The following PABPC1 variants were observed in gnomAD, a reference collection of about 807,000 sequenced individuals.
PABPC1 encodes poly(A) binding protein cytoplasmic 1, also known as polyadenylate-binding protein 1.
A neutral mutation model predicts 74.0 loss-of-function variants in PABPC1; 4 were observed. That is an observed-to-expected ratio of 0.05 (90% CI 0.03 to 0.12). PABPC1 has a LOEUF of 0.12. Ranked by LOEUF, PABPC1 falls within the 10% of genes least tolerant of loss-of-function variation. The probability of loss-of-function intolerance (pLI) is 1.00; values close to 1 mark genes in which losing one functional copy is unlikely to be tolerated. For synonymous variants in PABPC1, 227 were observed against 264.1 expected, an observed-to-expected ratio of 0.86 and a Z score of 1.36; for missense variants, 271 against 821.1, an observed-to-expected ratio of 0.33 and a Z score of 8.19.
chr8:100,715,728 A>C, intron 3 of PABPC1, 127 bp from the exon 4 acceptor site: 1 of 586,106 alleles, frequency 1.7e-6, no homozygotes. Flanking sequence ...AGCACACTAC[A>C]AAATAGAAAT....
chr8:100,709,168 C>T lies in PABPC1; in HGVS notation c.1301G>A (p.Ser434Asn). 6.2e-7 allele frequency: 1 copy of T among 1,614,028 alleles called. No individual in the cohort carries two copies. Among genetic ancestry groups the T allele is most frequent in the Non-Finnish European group, 8.5e-7 (1 of 1,180,028 alleles). The change falls in exon 9 of 15, where the codon AGT (serine) becomes AAT (asparagine). Residue 434 changes from serine (S) to asparagine (N), a missense_variant. By Grantham distance (46) the Ser-to-Asn change is conservative. Around this residue, in one of 7 missense-constraint regions of PABPC1, gnomAD observed 103 missense variants for 245.3 expected, o/e 0.42. Coordinates refer to ENST00000318607, the MANE Select transcript of PABPC1 (RefSeq NM_002568.4). The stretch of plus-strand genomic sequence containing the variant: ...GGCACCCTGAGCAGTCCAGCGAGGA[C>T]TTGGTCTTAGTTGAGCAATTTGGCT... Reference protein sequence around the residue: ...PPSQIAQLRPSPRWTAQGARP... With the variant: ...PPSQIAQLRPNPRWTAQGARP...
At chr8:100,717,469 GCTA>G (rs1810701313) in intron 3 of PABPC1, among the ~76,000 whole-genome samples, 1 of 152,120 alleles carries the variant, frequency 6.6e-6, no homozygotes, top group African/African-American at 2.4e-5. Flanking sequence ...TTTTGAAAAA[GCTA>G]CATTTTTCTG....
chr8:100,707,079 G>A (rs1430127712), intron 9 of PABPC1, 82 bp from the exon 10 acceptor site: 1 of 1,035,572 alleles, frequency 9.7e-7, no homozygotes, highest in South Asian at 1.4e-5. Context: ...TTCGATCTGA[G>A]GTTTGCATAA....
At chr8:100,711,243 G>A (rs1327024273) in intron 7 of PABPC1, among the ~76,000 whole-genome samples, 1 of 151,852 alleles carries the variant, frequency 6.6e-6, no homozygotes, top group Non-Finnish European at 1.5e-5. Flanking sequence ...TTGCACCACC[G>A]CACTCCAGCC....
chr8:100,711,802 C>G (rs1278533737), intron 7 of PABPC1, among the ~76,000 whole-genome samples: 1 of 152,218 alleles, frequency 6.6e-6, no homozygotes, highest in East Asian at 1.9e-4. Context: ...TCTATGCACT[C>G]TTCCCCAACC....
At chr8:100,714,954 G>T (rs566666237) in intron 4 of PABPC1, among the ~76,000 whole-genome samples, 1 of 152,116 alleles carries the variant, frequency 6.6e-6, no homozygotes, top group African/African-American at 2.4e-5. Context: ...TAAGTACTTT[G>T]AATCACTGGA....
intron 7 of PABPC1, among the ~76,000 whole-genome samples, chr8:100,710,096 A>G (rs1219574802): frequency 1.3e-5 from 2 of 152,208 alleles, no homozygotes; most frequent in Non-Finnish European, 2.9e-5. Flanking sequence ...GCATTTCCCA[A>G]TTAAATTTTG....
intron 12 of PABPC1, 42 bp from the exon 13 acceptor site, chr8:100,705,098 A>C: frequency 1.3e-6 from 2 of 1,577,796 alleles, no homozygotes; most frequent in Non-Finnish European, 1.7e-6. Flanking sequence ...AATAAAAAAA[A>C]GTTTTTAACT....
rs943676714 is a variant in PABPC1, at chr8:100,721,103, T to A, written c.193+288A>T. Among the ~76,000 whole-genome samples, 2 of 152,064 alleles carry A rather than the reference T, an allele frequency of 1.3e-5. No homozygotes were observed. Among genetic ancestry groups the A allele is most frequent in the Non-Finnish European group, 2.9e-5 (2 of 67,988 alleles). ...GCGGGAGCGCCGCGGAGGAACCGAA[T>A]CTCACCCACCCTCCCGGCGCGTCAT... On this transcript the variant is annotated intron_variant, in intron 1 of 14. Coordinates refer to ENST00000318607, the MANE Select transcript of PABPC1 (RefSeq NM_002568.4). This position sits in a 1 kb window ranked among gnomAD's most constrained non-coding sequence, Gnocchi z 7.4.
At chr8:100,712,258 CA>C (rs1334796703) in intron 7 of PABPC1, 103 bp downstream of exon 7, 1 of 650,212 alleles carries the variant, frequency 1.5e-6, no homozygotes, top group East Asian at 2.7e-5. Context: ...AGTAACGAAG[CA>C]AACACCTCTC....
rs765239752 is a variant in PABPC1 at position 100,712,317 on chromosome 8, G to A, written c.972+45C>T. 34 of 1,142,350 alleles carry A rather than the reference G, an allele frequency of 3.0e-5. 2 individuals are homozygous for A. The South Asian group carries it at 4.7e-4, about 16-fold the overall frequency. 70.8% of individuals were successfully genotyped at this position (1,142,350 alleles called of 1,614,324 possible). ...TTTATATACATATATCTACATGTAT[G>A]AATTTTTACTAGACCTCAAATAAAT... is the stretch of plus-strand genomic sequence containing the variant. On this transcript the variant is annotated intron_variant, in intron 7 of 14. Coordinates refer to ENST00000318607, the MANE Select transcript of PABPC1 (RefSeq NM_002568.4).
At chr8:100,718,573 T>C (rs1171569853) in intron 1 of PABPC1, among the ~76,000 whole-genome samples, 1 of 152,250 alleles carries the variant, frequency 6.6e-6, no homozygotes, top group Non-Finnish European at 1.5e-5. Flanking sequence ...TAATTGCCAT[T>C]AAATCTAAAG....
intron 1 of PABPC1, among the ~76,000 whole-genome samples, chr8:100,720,214 G>C (rs1251296536): frequency 2.0e-5 from 3 of 152,164 alleles, no homozygotes; most frequent in Non-Finnish European, 4.4e-5. Flanking sequence ...ACTTCTCAAA[G>C]CCAATTGATC....
chr8:100,704,612 C>T (rs1331681868), intron 13 of PABPC1, among the ~76,000 whole-genome samples: 1 of 152,214 alleles, frequency 6.6e-6, no homozygotes, highest in Non-Finnish European at 1.5e-5. Flanking sequence ...TTGTCCTCCC[C>T]ACACTCGAAA....
intron 1 of PABPC1, among the ~76,000 whole-genome samples, chr8:100,719,505 GT>G (rs892338593): frequency 6.6e-6 from 1 of 151,496 alleles, no homozygotes; most frequent in African/African-American, 2.4e-5. Flanking sequence ...GTAGCAATAA[GT>G]TTTTAAAAAA....
intron 1 of PABPC1, among the ~76,000 whole-genome samples, chr8:100,720,278 T>C (rs2226712): frequency 0.19 from 28,958 of 152,174 alleles, 2,958 homozygotes; most frequent in East Asian, 0.3. Flanking sequence ...GTTTACAAAA[T>C]TGTGTTTCTG....
chr8:100,721,349 G>A lies in PABPC1; in HGVS notation c.193+42C>T, dbSNP rs773227372. On this transcript the variant is annotated intron_variant, in intron 1 of 14. Coordinates refer to ENST00000318607, the MANE Select transcript of PABPC1 (RefSeq NM_002568.4). This position sits in a 1 kb window ranked among gnomAD's most constrained non-coding sequence, Gnocchi z 7.4. ...CCCGCCGCCGCCGCCCGAGCCTCAT[G>A]GCCGCCCGCCCGCCCGGCCGACCGC... The A allele has an allele frequency of 7.9e-7, 1 of 1,266,620 alleles. No individual in the cohort carries two copies. The highest frequency in any genetic ancestry group is 2.0e-5 in the South Asian group (1 of 49,114). The allele number at this position is 1,266,620 out of a possible 1,614,324, so 78.5% of individuals were successfully genotyped here. A position where few individuals can be genotyped will look rare whatever the true frequency, so the allele number is the denominator to read the frequency against.
intron 11 of PABPC1, among the ~76,000 whole-genome samples, chr8:100,706,124 G>C (rs1693553): frequency 0.57 from 87,161 of 152,060 alleles, 26,799 homozygotes; most frequent in African/African-American, 0.82. Flanking sequence ...GGATTACATA[G>C]AGGTGTGAGC....
At chr8:100,714,668 A>C (rs967986028) in intron 4 of PABPC1, among the ~76,000 whole-genome samples, 2 of 152,188 alleles carry the variant, frequency 1.3e-5, no homozygotes. Context: ...GGCGGAGGCT[A>C]CAATGAGCCG....
Sources: allele counts gnomAD v4.1 joint callset (sites outside exome capture counted in the v4.1 genomes callset), GRCh38; gene constraint gnomAD v4.1.1; regional missense constraint gnomAD v4.1.1; non-coding constraint Gnocchi (gnomAD v3.1); transcripts MANE v1.5; gene names NCBI Gene and HGNC (gene_info 2026-07-23, HGNC 2026-07-21).